The following URI1 variants were observed in gnomAD, a reference collection of about 807,000 sequenced individuals.
The protein encoded by URI1 is unconventional prefoldin RPB5 interactor 1.
A neutral mutation model predicts 60.2 loss-of-function variants in URI1; 39 were observed. That is an observed-to-expected ratio of 0.65 (90% CI 0.50 to 0.85). URI1 has a LOEUF of 0.85. Among genes scored for constraint, URI1 ranks in the 40% least tolerant of loss-of-function variants. URI1 has a pLI of 0.00. For synonymous variants in URI1, 251 were observed against 236.8 expected, an observed-to-expected ratio of 1.06 and a Z score of -0.55; for missense variants, 691 against 665.9, an observed-to-expected ratio of 1.04 and a Z score of -0.42.
chr19:29,965,719 C>T (rs1255339323), intron 1 of URI1, among the ~76,000 whole-genome samples: 1 of 152,112 alleles, frequency 6.6e-6, no homozygotes, highest in Non-Finnish European at 1.5e-5. Context: ...GTATGTGTCA[C>T]CACTCTTAAA....
chr19:29,975,143 C>G (rs156821), intron 2 of URI1, among the ~76,000 whole-genome samples: 145,639 of 152,152 alleles, frequency 0.96, 69,723 homozygotes, highest in East Asian at 1. Flanking sequence ...TTAGTTCTTT[C>G]AGAAATCTCC....
Position 29,975,481 on chromosome 19 carries a change from T to G in URI1, c.152+4254T>G, listed in dbSNP as rs1398704677. On this transcript the variant is annotated intron_variant, in intron 2 of 10. Transcript: ENST00000392271. ...ATAGGTTCCTCCTAACTTTGTCCCC[T>G]AATTCTCAGTTCTGTTTACTTTTTT... 2.0e-5 allele frequency among the ~76,000 whole-genome samples: 3 copies of G among 150,286 alleles called. No individual in the cohort carries two copies. In the East Asian group the frequency reaches 5.9e-4, roughly 30 times the overall value.
In URI1 at chr19:30,009,247, A is replaced by T; in HGVS notation, c.929A>T (p.Asp310Val). Residue 310 changes from aspartate (D) to valine (V), a missense_variant, in exon 8 of 11, where the codon GAC becomes GTC. Coordinates refer to ENST00000392271, the MANE Select transcript of URI1 (RefSeq NM_003796.3). ...DDDDDDDDDD[D>V]DNIDDDDGDN... ...GATGATGATGATGATGACGACGACGACGACAACATTGACGACGATGATGGT... is the reference window on the plus strand; with the variant it reads ...GATGATGATGATGATGACGACGACGTCGACAACATTGACGACGATGATGGT... The T allele has an allele frequency of 6.2e-7, 1 of 1,613,694 alleles. No homozygotes were observed.
At chr19:29,962,837 G>A (rs1176493937) in intron 1 of URI1, among the ~76,000 whole-genome samples, 1 of 152,012 alleles carries the variant, frequency 6.6e-6, no homozygotes. Flanking sequence ...TGTTGAAAAT[G>A]TTATTTTTTC....
chr19:29,941,651 G>A (rs576136073), upstream of URI1, among the ~76,000 whole-genome samples: 24 of 151,814 alleles, frequency 1.6e-4, no homozygotes, highest in Admixed American at 1.4e-3. Flanking sequence ...AAGAAAAGTG[G>A]GGGCAAAGTT....
At chr19:30,003,880 G>C (rs1326679587) in intron 4 of URI1, among the ~76,000 whole-genome samples, 1 of 152,000 alleles carries the variant, frequency 6.6e-6, no homozygotes, top group Non-Finnish European at 1.5e-5. Flanking sequence ...TAGATCTAAA[G>C]CTGGTTAGAC....
In URI1 at chr19:30,015,786, A is replaced by C; in HGVS notation, c.*717A>C. On this transcript the variant is annotated 3_prime_UTR_variant, in exon 11 of 11. Transcript: ENST00000392271. Reference sequence around the variant, plus strand: ...ATGTATGCTACATGTATCACACAACAGATCTGGAATTCTTTCAGTTCCTCA... The same window carrying C: ...ATGTATGCTACATGTATCACACAACCGATCTGGAATTCTTTCAGTTCCTCA... 4.4e-6 allele frequency: 2 copies of C among 458,030 alleles called. No homozygotes were observed. Among genetic ancestry groups the C allele is most frequent in the Non-Finnish European group, 7.6e-6 (2 of 263,220 alleles). The allele number at this position is 458,030 out of a possible 1,614,324, so 28.4% of individuals were successfully genotyped here.
At chr19:29,996,080 G>A (rs992344077) in intron 4 of URI1, among the ~76,000 whole-genome samples, 5 of 151,968 alleles carry the variant, frequency 3.3e-5, no homozygotes, top group African/African-American at 7.2e-5. Flanking sequence ...ATATTGTTTT[G>A]GTTATTGGGG....
intron 4 of URI1, among the ~76,000 whole-genome samples, chr19:30,001,768 C>G (rs981876293): frequency 6.6e-6 from 1 of 151,886 alleles, no homozygotes; most frequent in African/African-American, 2.4e-5. Context: ...TGTGCAGTTT[C>G]CAAAATTTGG....
intron 4 of URI1, among the ~76,000 whole-genome samples, chr19:29,989,187 T>A (rs1456092176): frequency 1.3e-5 from 2 of 148,810 alleles, no homozygotes; most frequent in Non-Finnish European, 3.0e-5. Context: ...CTTGGCTCAC[T>A]GCAACCTTAG....
At chr19:30,003,076 C>T (rs556333222) in intron 4 of URI1, among the ~76,000 whole-genome samples, 1 of 152,090 alleles carries the variant, frequency 6.6e-6, no homozygotes, top group East Asian at 1.9e-4. Context: ...TGTTAAATCT[C>T]AGAGTTATAG....
intron 1 of URI1, among the ~76,000 whole-genome samples, chr19:29,959,623 A>G (rs963344288): frequency 6.6e-6 from 1 of 152,172 alleles, no homozygotes; most frequent in Admixed American, 6.5e-5. Flanking sequence ...TGTCCTTTCT[A>G]AGTTTTCAAG....
At chr19:29,953,709 G>C (rs79132617) in intron 1 of URI1, among the ~76,000 whole-genome samples, 1 of 149,032 alleles carries the variant, frequency 6.7e-6, no homozygotes, top group African/African-American at 2.5e-5. Flanking sequence ...TTTTTAGAGC[G>C]TAGTTAGGAA....
At chr19:29,944,982 G>A (rs1432429110) in intron 1 of URI1, among the ~76,000 whole-genome samples, 1 of 152,218 alleles carries the variant, frequency 6.6e-6, no homozygotes, top group East Asian at 1.9e-4. Context: ...TAAAGTAGAA[G>A]CGTAGTGACA....
rs1194265615 is a variant in URI1 at position 30,011,132 on chromosome 19, CA to C, written c.1075del (p.Ser359ValfsTer41). 2 of 1,612,734 alleles carry C rather than the reference CA, an allele frequency of 1.2e-6. No homozygotes were observed. On this transcript the variant is annotated frameshift_variant, in exon 9 of 11. Coordinates refer to ENST00000392271, the MANE Select transcript of URI1 (RefSeq NM_003796.3). LOFTEE classifies it high-confidence loss of function. ...NTGKNTTLKF[S>X]EKKEEAKRKR... Reference sequence around the variant, plus strand: ...CTGGAAAGAATACCACTTTAAAATTCAGTGAAAAGAAAGAAGAAGCCAAACG... The same window carrying C: ...CTGGAAAGAATACCACTTTAAAATTCGTGAAAAGAAAGAAGAAGCCAAACG...
chr19:29,987,711 G>A (rs1460045505), intron 4 of URI1, among the ~76,000 whole-genome samples: 1 of 151,926 alleles, frequency 6.6e-6, no homozygotes, highest in East Asian at 1.9e-4. Flanking sequence ...AATATTAATG[G>A]GAATACTTAT....
intron 1 of URI1, among the ~76,000 whole-genome samples, chr19:29,931,146 G>A (rs1480366508): frequency 1.3e-5 from 2 of 152,100 alleles, no homozygotes; most frequent in African/African-American, 4.8e-5. Flanking sequence ...GGACCAGTTT[G>A]CCTACTTCTG....
intron 1 of URI1, among the ~76,000 whole-genome samples, chr19:29,946,441 T>C (rs2055103994): frequency 6.6e-6 from 1 of 152,234 alleles, no homozygotes; most frequent in Non-Finnish European, 1.5e-5. Flanking sequence ...GATTTTATTG[T>C]AATATTTTAA....
At chr19:29,970,128 A>ATTTTTTTTT (rs199739403) in intron 1 of URI1, among the ~76,000 whole-genome samples, 6 of 74,534 alleles carry the variant, frequency 8.1e-5, no homozygotes, top group South Asian at 4.2e-4. Context: ...AATCGTGTGT[A>ATTTTTTTTT]TTTTTTTTTT....
Sources: allele counts gnomAD v4.1 joint callset (sites outside exome capture counted in the v4.1 genomes callset), GRCh38; gene constraint gnomAD v4.1.1; transcripts MANE v1.5; gene names NCBI Gene and HGNC (gene_info 2026-07-23, HGNC 2026-07-21).